Variants in ARMH1 observed in about 807,000 individuals in gnomAD.
ARMH1 encodes the protein armadillo-like helical domain containing protein 1.
A neutral mutation model predicts 50.2 loss-of-function variants in ARMH1; 34 were observed. The ratio of observed to expected loss-of-function variants is 0.68; its 90% CI spans 0.51 to 0.90. The LOEUF is 0.90. ARMH1 is among the 40% of genes least tolerant of loss of function. The pLI is 0.00. For missense variants in ARMH1, 538 were observed against 553.9 expected (o/e 0.97, Z 0.29); for synonymous variants, 221 against 224.2 (o/e 0.99, Z 0.13).
At chr1:44,719,045 A>T (rs1309360226) in intron 6 of ARMH1, among the ~76,000 whole-genome samples, 1 of 151,766 alleles carries the variant, frequency 6.6e-6, no homozygotes. Context: ...AAAAAAAAAA[A>T]AAGGCATTTC....
Position 44,724,460 on chromosome 1 carries a change from G to A in ARMH1, c.920+68G>A. On this transcript the variant is annotated intron_variant, in intron 8 of 11. Coordinates refer to ENST00000535358, the MANE Select transcript of ARMH1 (RefSeq NM_001145636.2). The surrounding 1 kb of genome is among the most constrained non-coding windows in gnomAD (Gnocchi z 6.4). ...TTGGCGCTGCCGGCGGGCCCCGGGA[G>A]CGCTCCGTGCGCCGGGTGGGCGGGG... 6.6e-7 allele frequency: 1 copy of A among 1,522,544 alleles called. No individual in the cohort carries two copies. The highest frequency in any genetic ancestry group is 1.2e-5 in the South Asian group (1 of 81,038). The allele number at this position is 1,522,544 out of a possible 1,614,324, so 94.3% of individuals were successfully genotyped here. A position where few individuals can be genotyped will look rare whatever the true frequency, so the allele number is the denominator to read the frequency against.
intron 2 of ARMH1, among the ~76,000 whole-genome samples, chr1:44,695,246 G>T (rs1645787301): frequency 6.6e-6 from 1 of 152,188 alleles, no homozygotes. Context: ...ATGTTACTCA[G>T]GAAGTAAATG....
rs115468025 is a variant in ARMH1, at chr1:44,687,505, G to C, written c.-22-2171G>C. 9.4e-3 allele frequency among the ~76,000 whole-genome samples: 1,430 copies of C among 152,276 alleles called. 21 individuals carry two copies. Among genetic ancestry groups the C allele is most frequent in the African/African-American group, 0.032 (1,332 of 41,554 alleles). On this transcript the variant is annotated intron_variant, in intron 1 of 11. Coordinates refer to ENST00000535358, the MANE Select transcript of ARMH1 (RefSeq NM_001145636.2). The stretch of plus-strand genomic sequence containing the variant: ...GAAAAAATAGCCAAAAGAGTTTAAA[G>C]TAGCCTCCTCTGTGAGGAGAAACTG...
At chr1:44,707,905 G>A (rs531865780) in intron 6 of ARMH1, among the ~76,000 whole-genome samples, 1 of 152,320 alleles carries the variant, frequency 6.6e-6, no homozygotes, top group East Asian at 1.9e-4. Flanking sequence ...TGATAACAAT[G>A]AAACTACATG....
intron 4 of ARMH1, among the ~76,000 whole-genome samples, chr1:44,700,652 T>TA (rs536115399): frequency 7.0e-4 from 103 of 146,720 alleles, no homozygotes; most frequent in African/African-American, 2.5e-3. Flanking sequence ...CATATAGCAA[T>TA]AAAAAAATGC....
intron 6 of ARMH1, 145 bp downstream of exon 6, chr1:44,704,318 G>C (rs1646237917): frequency 1.5e-6 from 1 of 685,350 alleles, no homozygotes; most frequent in East Asian, 2.8e-5. Context: ...GAAAATGTCA[G>C]TCACACCTAT....
At position 44,724,663 on chromosome 1, in the gene ARMH1, C is replaced by G; in HGVS notation, c.1045C>G (p.Leu349Val). The change falls in exon 9 of 12, where the codon CTG (leucine) becomes GTG (valine). Residue 349 changes from leucine to valine, a missense_variant. By Grantham distance (32) the Leu-to-Val change is conservative (BLOSUM62 1). Coordinates refer to ENST00000535358, the MANE Select transcript of ARMH1 (RefSeq NM_001145636.2). This position sits in a 1 kb window ranked among gnomAD's most constrained non-coding sequence, Gnocchi z 6.4. Reference sequence around the variant, plus strand: ...CAGCCAGCGGCTGGCCAGCCTCACGCTGGAGGTGCGCGCGGCGGCTGGTTA... The same window carrying G: ...CAGCCAGCGGCTGGCCAGCCTCACGGTGGAGGTGCGCGCGGCGGCTGGTTA... ...SNSQRLASLT[L>V]ECFVQMFPLV... The G allele has an allele frequency of 6.7e-7, 1 of 1,494,070 alleles. No homozygotes were observed. The highest frequency in any genetic ancestry group is 8.9e-7 in the Non-Finnish European group (1 of 1,127,754). The allele number at this position is 1,494,070 out of a possible 1,614,324, so 92.6% of individuals were successfully genotyped here. A position where few individuals can be genotyped will look rare whatever the true frequency, so the allele number is the denominator to read the frequency against.
chr1:44,677,324 C>T (rs1438984889), intron 1 of ARMH1, among the ~76,000 whole-genome samples: 1 of 152,188 alleles, frequency 6.6e-6, no homozygotes, highest in Non-Finnish European at 1.5e-5. Context: ...CAACAACATT[C>T]AGCCACCTAG....
intron 1 of ARMH1, among the ~76,000 whole-genome samples, chr1:44,685,776 C>T (rs928953113): frequency 1.5e-4 from 23 of 151,932 alleles, no homozygotes; most frequent in African/African-American, 1.4e-4. Flanking sequence ...TACAGGCACG[C>T]GCCACCACGC....
At chr1:44,721,907 T>C (rs575116806) in intron 6 of ARMH1, 1 of 152,228 alleles carries the variant, frequency 6.6e-6, no homozygotes, top group Non-Finnish European at 1.5e-5. Flanking sequence ...GAGATCTGCC[T>C]GTTAGCCTTT....
rs1203522135 is a variant in ARMH1, at chr1:44,681,018, G to A, written c.-23+6145G>A. The stretch of plus-strand genomic sequence containing the variant: ...CCCCTTTTTTTTTTTTTTTTGAGAC[G>A]GAGTCTCGCTCTGTCACCCAGGCTG... On this transcript the variant is annotated intron_variant, in intron 1 of 11. Coordinates refer to ENST00000535358, the MANE Select transcript of ARMH1 (RefSeq NM_001145636.2). The surrounding 1 kb of genome is among the most constrained non-coding windows in gnomAD (Gnocchi z 4.3). 3.6e-5 allele frequency among the ~76,000 whole-genome samples: 5 copies of A among 140,520 alleles called. No homozygotes were observed. The East Asian group carries it at 6.1e-4, about 17-fold the overall frequency. 92.2% of individuals were successfully genotyped at this position (140,520 alleles called of 152,430 possible).
chr1:44,714,253 G>A (rs562487304), intron 6 of ARMH1, among the ~76,000 whole-genome samples: 2 of 147,944 alleles, frequency 1.4e-5, no homozygotes, highest in East Asian at 2.0e-4. Flanking sequence ...CTGGGTGACA[G>A]AGCGAGACTC....
intron 5 of ARMH1, among the ~76,000 whole-genome samples, chr1:44,703,788 G>A (rs1470893887): frequency 2.8e-5 from 4 of 143,724 alleles, no homozygotes; most frequent in Admixed American, 1.4e-4. Flanking sequence ...GTGCAGTGGC[G>A]CGATCTCGGC....
rs375110474 is a variant in ARMH1 at position 44,697,187 on chromosome 1, C to T, written c.275+17C>T. The T allele has an allele frequency of 3.0e-5, 47 of 1,545,852 alleles. No homozygotes were observed. The African/African-American group carries it at 5.1e-4, about 17-fold the overall frequency. On this transcript the variant is annotated intron_variant, in intron 3 of 11. Transcript: ENST00000535358. ...TGTAAGCAGGTGAGTTCTGTTCTAG[C>T]GTGATTCTGGGGGTCTCAGTGGCAT... is the stretch of plus-strand genomic sequence containing the variant.
intron 6 of ARMH1, among the ~76,000 whole-genome samples, chr1:44,709,410 C>A (rs2983714): frequency 3.3e-5 from 5 of 152,000 alleles, no homozygotes; most frequent in African/African-American, 1.2e-4. Flanking sequence ...CGGTGGCTCA[C>A]GCCTTTAATC....
chr1:44,719,193 A>T (rs1646980263), intron 6 of ARMH1, among the ~76,000 whole-genome samples: 1 of 151,196 alleles, frequency 6.6e-6, no homozygotes, highest in Non-Finnish European at 1.5e-5. Context: ...CCTCCAGGTG[A>T]TTTTTTAATT....
chr1:44,690,148 G>A (rs527600819), intron 2 of ARMH1, among the ~76,000 whole-genome samples: 2 of 152,054 alleles, frequency 1.3e-5, no homozygotes, highest in Admixed American at 1.3e-4. Context: ...AACCCGGGAG[G>A]CAGAGGTTGC....
chr1:44,709,404 G>A (rs966764304), intron 6 of ARMH1, among the ~76,000 whole-genome samples: 6 of 152,156 alleles, frequency 3.9e-5, no homozygotes, highest in Non-Finnish European at 8.8e-5. Flanking sequence ...CAGGCGCGGT[G>A]GCTCACGCCT....
intron 2 of ARMH1, among the ~76,000 whole-genome samples, chr1:44,696,651 TA>T (rs1476197084): frequency 6.6e-6 from 1 of 152,234 alleles, no homozygotes; most frequent in East Asian, 1.9e-4. Context: ...ACCTCCAGTG[TA>T]AAACTTTGAA....
Sources: allele counts gnomAD v4.1 joint callset (sites outside exome capture counted in the v4.1 genomes callset), GRCh38; gene constraint gnomAD v4.1.1; non-coding constraint Gnocchi (gnomAD v3.1); transcripts MANE v1.5; gene names NCBI Gene and HGNC (gene_info 2026-07-23, HGNC 2026-07-21).